The following UBE2E2 variants were observed in gnomAD, a reference collection of about 807,000 sequenced individuals.
The protein encoded by UBE2E2 is ubiquitin-conjugating enzyme E2 E2.
In UBE2E2, 6 loss-of-function variants were observed where a neutral mutation model predicts 24.7. The observed-to-expected ratio is 0.24, with a 90% CI of 0.13 to 0.48. The LOEUF is 0.48. Ranked by LOEUF, UBE2E2 falls within the 20% of genes least tolerant of loss-of-function variation. The pLI is 0.99. For missense variants in UBE2E2, 169 were observed against 245.0 expected (o/e 0.69, Z 2.07); for synonymous variants, 104 against 83.6 (o/e 1.24, Z -1.33).
intron 5 of UBE2E2, among the ~76,000 whole-genome samples, chr3:23,572,427 C>G (rs1411096378): frequency 2.0e-5 from 3 of 152,098 alleles, no homozygotes; most frequent in African/African-American, 7.2e-5. Flanking sequence ...ATGCAGGTTA[C>G]AAAGGTATAT....
chr3:23,412,202 A>G (rs1260334538), intron 3 of UBE2E2, among the ~76,000 whole-genome samples: 5 of 152,178 alleles, frequency 3.3e-5, no homozygotes, highest in Non-Finnish European at 5.9e-5. Flanking sequence ...AATGTAGACC[A>G]TAGTCGATGA....
intron 3 of UBE2E2, among the ~76,000 whole-genome samples, chr3:23,314,017 G>C (rs1161685958): frequency 6.6e-6 from 1 of 152,100 alleles, no homozygotes; most frequent in African/African-American, 2.4e-5. Flanking sequence ...GCATAAACAA[G>C]CAAACAAAAA....
intron 5 of UBE2E2, among the ~76,000 whole-genome samples, chr3:23,560,039 T>G (rs149342850): frequency 3.9e-5 from 6 of 152,198 alleles, no homozygotes; most frequent in African/African-American, 1.4e-4. Context: ...GCTAGAAATA[T>G]CTTTCTTTTT....
intron 3 of UBE2E2, among the ~76,000 whole-genome samples, chr3:23,256,388 G>A (rs572127394): frequency 9.9e-5 from 15 of 152,146 alleles, no homozygotes; most frequent in Admixed American, 7.8e-4. Flanking sequence ...GTTTTTATTA[G>A]CCTTTTAAAG....
intron 3 of UBE2E2, among the ~76,000 whole-genome samples, chr3:23,496,525 T>TAGAAATACAA (rs1699606522): frequency 6.6e-6 from 1 of 152,244 alleles, no homozygotes; most frequent in East Asian, 1.9e-4. Context: ...TTAAGCTTTG[T>TAGAAATACAA]AGAAATAGTA....
At chr3:23,543,744 A>G (rs556966716) in intron 5 of UBE2E2, among the ~76,000 whole-genome samples, 21 of 152,326 alleles carry the variant, frequency 1.4e-4, no homozygotes, top group Non-Finnish European at 2.6e-4. Context: ...GAACAAAAAA[A>G]GAGCCCGAAT....
chr3:23,555,394 G>C (rs1040541869), intron 5 of UBE2E2, among the ~76,000 whole-genome samples: 2 of 152,166 alleles, frequency 1.3e-5, no homozygotes, highest in Non-Finnish European at 2.9e-5. Flanking sequence ...CAAAGGTGTG[G>C]AGAAAAGGGA....
At chr3:23,390,384 G>T (rs1165733979) in intron 3 of UBE2E2, among the ~76,000 whole-genome samples, 2 of 152,150 alleles carry the variant, frequency 1.3e-5, no homozygotes, top group African/African-American at 4.8e-5. Context: ...GATAGATGTG[G>T]CTTAAGTTGA....
chr3:23,271,258 A>G (rs2125363030), intron 3 of UBE2E2: 1 of 340,330 alleles, frequency 2.9e-6, no homozygotes, highest in Non-Finnish European at 5.7e-6. Context: ...TGGTGTGTCT[A>G]GAGTTTGTTC....
intron 2 of UBE2E2, among the ~76,000 whole-genome samples, chr3:23,216,034 A>G (rs1357135781): frequency 2.6e-5 from 4 of 152,152 alleles, no homozygotes; most frequent in African/African-American, 4.8e-5. Context: ...GTTAACTTCT[A>G]TTTTACAGGA....
chr3:23,471,721 T>TTGAAGTAGAA (rs1699035556), intron 3 of UBE2E2, among the ~76,000 whole-genome samples: 1 of 152,172 alleles, frequency 6.6e-6, no homozygotes, highest in African/African-American at 2.4e-5. Context: ...AGGAAGCTAC[T>TTGAAGTAGAA]TGAAGTAGAA....
chr3:23,429,379 A>G (rs577281931), intron 3 of UBE2E2, among the ~76,000 whole-genome samples: 1 of 152,324 alleles, frequency 6.6e-6, no homozygotes, highest in Non-Finnish European at 1.5e-5. Context: ...GGCGTAAAAA[A>G]TTTTAACAAA....
At chr3:23,572,494 A>G (rs1389596002) in intron 5 of UBE2E2, among the ~76,000 whole-genome samples, 1 of 152,172 alleles carries the variant, frequency 6.6e-6, no homozygotes, top group African/African-American at 2.4e-5. Flanking sequence ...AGTGAACATA[A>G]TACCCAATAG....
At chr3:23,532,442 G>A in intron 4 of UBE2E2, 112 bp from the exon 5 acceptor site, 1 of 914,146 alleles carries the variant, frequency 1.1e-6, no homozygotes, top group Non-Finnish European at 1.5e-6. Context: ...TTAACCAATA[G>A]CCTGGGCTAT....
At chr3:23,482,921 A>T (rs1575659173) in intron 3 of UBE2E2, among the ~76,000 whole-genome samples, 2 of 152,244 alleles carry the variant, frequency 1.3e-5, no homozygotes, top group Non-Finnish European at 2.9e-5. Flanking sequence ...AACTAACTGA[A>T]TGTTATTATA....
At chr3:23,560,401 C>A (rs1280743302) in intron 5 of UBE2E2, among the ~76,000 whole-genome samples, 3 of 152,030 alleles carry the variant, frequency 2.0e-5, no homozygotes, top group East Asian at 1.9e-4. Flanking sequence ...TGAACTCATC[C>A]TTTTTTATGG....
Position 23,364,896 on chromosome 3 carries a change from A to G in UBE2E2, c.228-134712A>G, listed in dbSNP as rs372689435. On this transcript the variant is annotated intron_variant, in intron 3 of 5. Transcript: ENST00000396703. ...AACAAAATACTAGCAAGCCAAATTC[A>G]GCAGCACATCAAAAAGTTAATCCAC... Among the ~76,000 whole-genome samples, 15 of 152,244 alleles carry G rather than the reference A, an allele frequency of 9.9e-5. 1 individual carries two copies. The highest frequency in any genetic ancestry group is 8.3e-4 in the South Asian group (4 of 4,832).
chr3:23,294,421 G>A (rs188567340), intron 3 of UBE2E2, among the ~76,000 whole-genome samples: 1 of 151,914 alleles, frequency 6.6e-6, no homozygotes, highest in Non-Finnish European at 1.5e-5. Context: ...ATTTCCAGTT[G>A]GTGTGATGTT....
At chr3:23,318,268 G>A (rs1694638702) in intron 3 of UBE2E2, among the ~76,000 whole-genome samples, 1 of 152,078 alleles carries the variant, frequency 6.6e-6, no homozygotes, top group Admixed American at 6.5e-5. Flanking sequence ...AGGCTCAAGT[G>A]ATTCTTCCAC....
Sources: allele counts gnomAD v4.1 joint callset (sites outside exome capture counted in the v4.1 genomes callset), GRCh38; gene constraint gnomAD v4.1.1; transcripts MANE v1.5; gene names NCBI Gene and HGNC (gene_info 2026-07-23, HGNC 2026-07-21).